Variants in GALNT14 observed in about 807,000 individuals in gnomAD.
GALNT14 encodes UDP-GalNAc:polypeptide N-acetylgalactosaminyltransferase 14.
Under a neutral mutation model 77.5 loss-of-function variants are expected in GALNT14, and 60 were observed. The observed-to-expected ratio is 0.77, with a 90% CI of 0.63 to 0.96. GALNT14 has a LOEUF of 0.96. Ranked by LOEUF, GALNT14 falls within the 40% of genes least tolerant of loss-of-function variation. GALNT14 has a pLI of 0.00. For synonymous variants in GALNT14, 280 were observed against 281.7 expected (o/e 0.99, Z 0.06); for missense variants, 710 against 731.0 (o/e 0.97, Z 0.33).
At chr2:30,989,600 A>G (rs1310923099) in intron 2 of GALNT14, among the ~76,000 whole-genome samples, 2 of 120,662 alleles carry the variant, frequency 1.7e-5, no homozygotes, top group African/African-American at 5.9e-5. Context: ...ATATATTAGT[A>G]GATATATAAA....
At chr2:30,962,497 A>G (rs963959834) in intron 3 of GALNT14, among the ~76,000 whole-genome samples, 5 of 152,252 alleles carry the variant, frequency 3.3e-5, no homozygotes, top group Non-Finnish European at 7.3e-5. Context: ...ATGCCCCAAA[A>G]GGAAGGTGAC....
At position 30,993,012 on chromosome 2, in the gene GALNT14, G is replaced by T; in HGVS notation, c.130-5C>A. On this transcript the variant is annotated splice_polypyrimidine_tract_variant and splice_region_variant and intron_variant, in intron 1 of 14. Transcript: ENST00000349752. The stretch of plus-strand genomic sequence containing the variant: ...GTCCCAGTCAGCGTCCGAAGGCTGC[G>T]TGACACGAATGGGAAGTCTGTGAGA... The T allele has an allele frequency of 6.2e-7, 1 of 1,613,690 alleles. No individual in the cohort carries two copies. Among genetic ancestry groups the T allele is most frequent in the Non-Finnish European group, 8.5e-7 (1 of 1,179,910 alleles).
At chr2:31,053,586 G>A (rs1426231686) in intron 1 of GALNT14, among the ~76,000 whole-genome samples, 1 of 152,126 alleles carries the variant, frequency 6.6e-6, no homozygotes, top group Non-Finnish European at 1.5e-5. Flanking sequence ...TGCCACGCCA[G>A]AAATCCCACC....
chr2:30,906,327 G>C (rs1205695513), downstream of GALNT14, among the ~76,000 whole-genome samples: 2 of 149,984 alleles, frequency 1.3e-5, no homozygotes, highest in Non-Finnish European at 3.0e-5. Context: ...CACGTGCAGA[G>C]ACACACATAA....
intron 14 of GALNT14, among the ~76,000 whole-genome samples, chr2:30,911,405 GT>G (rs946270618): frequency 3.9e-5 from 6 of 152,202 alleles, no homozygotes; most frequent in African/African-American, 1.4e-4. Context: ...TGGCAGAGAA[GT>G]GGGGAAGAGC....
At position 30,944,892 on chromosome 2, in the gene GALNT14, T is replaced by G; in HGVS notation, c.793A>C (p.Lys265Gln). 6.2e-7 allele frequency: 1 copy of G among 1,611,240 alleles called. No homozygotes were observed. Among genetic ancestry groups the G allele is most frequent in the Non-Finnish European group, 8.5e-7 (1 of 1,178,060 alleles). ...TCCGTGGGGTCCAGGCGCCGAGCCT[T>G]CTGCTCTGGGGAGAGCTGCTCCCAC... ...FQWEQLSPEQ[K>Q]ARRLDPTEPI... is the part of the protein sequence containing the mutation. Residue 265 changes from lysine to glutamine, a missense_variant, in exon 8 of 15, where the codon AAG becomes CAG. Lys to Gln is a moderately conservative substitution (Grantham distance 53). Coordinates refer to ENST00000349752, the MANE Select transcript of GALNT14 (RefSeq NM_024572.4).
chr2:31,038,543 G>A (rs541453402), intron 1 of GALNT14, among the ~76,000 whole-genome samples: 1 of 152,220 alleles, frequency 6.6e-6, no homozygotes, highest in Admixed American at 6.5e-5. Context: ...CTCTGGAGAT[G>A]GAGTTTGGCG....
At chr2:30,924,851 A>C in intron 11 of GALNT14, 28 bp from the exon 12 acceptor site, 1 of 1,601,230 alleles carries the variant, frequency 6.2e-7, no homozygotes, top group Non-Finnish European at 8.5e-7. Flanking sequence ...GTGGACAGAC[A>C]CAAAGACAAA....
At chr2:31,096,048 C>T (rs1257311830) in intron 1 of GALNT14, among the ~76,000 whole-genome samples, 1 of 152,248 alleles carries the variant, frequency 6.6e-6, no homozygotes, top group Non-Finnish European at 1.5e-5. Context: ...TATTCCTTGG[C>T]TCATGGCCTC....
At chr2:31,048,597 C>T (rs1156781881) in intron 1 of GALNT14, among the ~76,000 whole-genome samples, 1 of 136,130 alleles carries the variant, frequency 7.3e-6, no homozygotes, top group Admixed American at 7.2e-5. Context: ...CCCACCCCCA[C>T]TCCTGCCTCC....
intron 6 of GALNT14, among the ~76,000 whole-genome samples, chr2:30,947,790 G>A (rs951976512): frequency 7.9e-5 from 12 of 152,174 alleles, no homozygotes; most frequent in African/African-American, 2.4e-4. Context: ...GATTCACTGA[G>A]TGCCTGATTT....
rs78432535 is a variant in GALNT14 at position 30,916,314 on chromosome 2, C to T, written c.1381-3972G>A. 4.8e-3 allele frequency among the ~76,000 whole-genome samples: 732 copies of T among 152,298 alleles called. 2 individuals are homozygous for T. The highest frequency in any genetic ancestry group is 7.9e-3 in the South Asian group (38 of 4,832). ...AATTTCCAGGTTTTCTCTCTGTGCC[C>T]GGTTACAGAAATAAACTCTCTTCTT... On this transcript the variant is annotated intron_variant, in intron 13 of 14. Transcript: ENST00000349752.
At chr2:30,949,015 A>T (rs1016837068) in intron 6 of GALNT14, among the ~76,000 whole-genome samples, 1 of 152,134 alleles carries the variant, frequency 6.6e-6, no homozygotes, top group East Asian at 1.9e-4. Context: ...TATTCCTGTC[A>T]TAGCTCACTT....
chr2:31,058,625 G>T (rs1197536913), intron 1 of GALNT14, among the ~76,000 whole-genome samples: 1 of 152,102 alleles, frequency 6.6e-6, no homozygotes, highest in African/African-American at 2.4e-5. Context: ...AAGCCATGTG[G>T]GCTCAGGGCA....
rs529653696 is a variant in GALNT14, at chr2:30,917,076, C to CAAAAAA, written c.1381-4740_1381-4735dup. The stretch of plus-strand genomic sequence containing the variant: ...TGGGCAAAAGAGTAAGACTCCGTCT[C>CAAAAAA]AAAAAAAAAAAAAAAAAAAAAAAAA... On this transcript the variant is annotated intron_variant, in intron 13 of 14. Transcript: ENST00000349752. Among the ~76,000 whole-genome samples, 38 of 19,904 alleles carry CAAAAAA rather than the reference C, an allele frequency of 1.9e-3. 3 individuals are homozygous for CAAAAAA. The highest frequency in any genetic ancestry group is 5.2e-3 in the African/African-American group (28 of 5,388). The allele number at this position is 19,904 out of a possible 152,430, so 13.1% of individuals were successfully genotyped here. A position where few individuals can be genotyped will look rare whatever the true frequency, so the allele number is the denominator to read the frequency against.
At chr2:31,094,045 CG>C (rs1396012564) in intron 1 of GALNT14, among the ~76,000 whole-genome samples, 1 of 152,134 alleles carries the variant, frequency 6.6e-6, no homozygotes, top group Non-Finnish European at 1.5e-5. Context: ...GCGACCTGCA[CG>C]TATACATCCA....
chr2:31,029,166 A>T (rs1033593179), intron 1 of GALNT14, among the ~76,000 whole-genome samples: 7 of 152,206 alleles, frequency 4.6e-5, no homozygotes, highest in African/African-American at 9.7e-5. Context: ...TAGTGGGGTG[A>T]CCGTGAGCAA....
chr2:31,059,728 A>T (rs557964000), intron 1 of GALNT14, among the ~76,000 whole-genome samples: 1 of 152,088 alleles, frequency 6.6e-6, no homozygotes, highest in Non-Finnish European at 1.5e-5. Flanking sequence ...AATAAAAATG[A>T]TAAAGAGGCC....
At chr2:31,086,169 C>T (rs142654845) in intron 1 of GALNT14, among the ~76,000 whole-genome samples, 477 of 152,344 alleles carry the variant, frequency 3.1e-3, no homozygotes, top group African/African-American at 0.011. Context: ...GCCTTCACTA[C>T]ATCCTAGGAC....
Sources: allele counts gnomAD v4.1 joint callset (sites outside exome capture counted in the v4.1 genomes callset), GRCh38; gene constraint gnomAD v4.1.1; transcripts MANE v1.5; gene names NCBI Gene and HGNC (gene_info 2026-07-23, HGNC 2026-07-21).